EPHA6: variants seen among roughly 807,000 people sequenced by gnomAD.
The protein encoded by EPHA6 is EPH receptor A6, also known as ephrin type-A receptor 6.
Under a neutral mutation model 112.0 loss-of-function variants are expected in EPHA6, and 50 were observed. The observed-to-expected ratio is 0.45, with a 90% CI of 0.36 to 0.56. The LOEUF is 0.56. Among genes scored for constraint, EPHA6 ranks in the 20% least tolerant of loss-of-function variants. EPHA6 has a pLI of 0.00. For missense variants in EPHA6, 1,280 were observed against 1,417.4 expected, an observed-to-expected ratio of 0.90 and a Z score of 1.56; for synonymous variants, 529 against 490.7, an observed-to-expected ratio of 1.08 and a Z score of -1.03.
chr3:97,574,989 C>A (rs1473818319), intron 11 of EPHA6, among the ~76,000 whole-genome samples: 1 of 151,966 alleles, frequency 6.6e-6, no homozygotes, highest in Non-Finnish European at 1.5e-5. Context: ...TTTAACCAAC[C>A]TTCACATGTA....
chr3:97,421,024 C>A (rs1252843627), intron 6 of EPHA6, among the ~76,000 whole-genome samples: 1 of 151,946 alleles, frequency 6.6e-6, no homozygotes, highest in Non-Finnish European at 1.5e-5. Context: ...GGGTATTATT[C>A]TCAGAAATCT....
intron 6 of EPHA6, among the ~76,000 whole-genome samples, chr3:97,427,009 AG>A (rs1433258844): frequency 6.6e-6 from 1 of 152,240 alleles, no homozygotes; most frequent in Admixed American, 6.5e-5. Context: ...CACACCAGTC[AG>A]AATGGTTATT....
chr3:97,159,382 G>A (rs929119671), intron 3 of EPHA6, among the ~76,000 whole-genome samples: 1 of 152,104 alleles, frequency 6.6e-6, no homozygotes, highest in African/African-American at 2.4e-5. Context: ...GTTGGTGGAA[G>A]TATTCCTGTC....
At chr3:97,220,100 A>G (rs951770940) in intron 3 of EPHA6, among the ~76,000 whole-genome samples, 2 of 152,208 alleles carry the variant, frequency 1.3e-5, no homozygotes, top group African/African-American at 2.4e-5. Context: ...CCAGTGCACA[A>G]CAAGCTCCTC....
At chr3:96,977,334 A>G (rs2107803208) in intron 2 of EPHA6, among the ~76,000 whole-genome samples, 1 of 152,290 alleles carries the variant, frequency 6.6e-6, no homozygotes, top group East Asian at 1.9e-4. Flanking sequence ...ATAGATGTAC[A>G]CTGTGGAATG....
At chr3:97,580,227 A>G (rs546705380) in intron 11 of EPHA6, among the ~76,000 whole-genome samples, 1 of 152,354 alleles carries the variant, frequency 6.6e-6, no homozygotes, top group South Asian at 2.1e-4. Flanking sequence ...ATATCACATC[A>G]GAAGCTGCTG....
chr3:97,540,778 T>A (rs1180482975), intron 11 of EPHA6, among the ~76,000 whole-genome samples: 1 of 152,220 alleles, frequency 6.6e-6, no homozygotes, highest in Non-Finnish European at 1.5e-5. Flanking sequence ...TTTTCTTTTA[T>A]ACTGCTAAAT....
At chr3:97,151,047 G>A (rs1287300844) in intron 3 of EPHA6, among the ~76,000 whole-genome samples, 1 of 152,036 alleles carries the variant, frequency 6.6e-6, no homozygotes. Context: ...TCCAGTATTG[G>A]CTTTCTGTAC....
At chr3:96,908,084 A>C (rs989471434) in intron 2 of EPHA6, among the ~76,000 whole-genome samples, 5 of 151,944 alleles carry the variant, frequency 3.3e-5, no homozygotes, top group Admixed American at 6.6e-5. Flanking sequence ...TATTATAGGC[A>C]GTTGTAACAC....
chr3:97,234,599 A>G (rs1410696475), intron 4 of EPHA6, among the ~76,000 whole-genome samples: 1 of 152,004 alleles, frequency 6.6e-6, no homozygotes, highest in Non-Finnish European at 1.5e-5. Context: ...TTTTCTTGCA[A>G]CTTCCTGTTC....
intron 6 of EPHA6, among the ~76,000 whole-genome samples, chr3:97,442,309 G>C (rs1255604007): frequency 6.6e-6 from 1 of 152,140 alleles, no homozygotes; most frequent in East Asian, 1.9e-4. Flanking sequence ...AGAGGGCTGG[G>C]CATGGTGGTT....
intron 11 of EPHA6, among the ~76,000 whole-genome samples, chr3:97,584,401 T>A (rs1183558944): frequency 6.6e-6 from 1 of 152,186 alleles, no homozygotes; most frequent in East Asian, 1.9e-4. Flanking sequence ...TTATTTGATA[T>A]CTGCAGTGTT....
chr3:97,455,696 A>G (rs1392728246), intron 7 of EPHA6, among the ~76,000 whole-genome samples: 4 of 151,982 alleles, frequency 2.6e-5, no homozygotes, highest in Non-Finnish European at 4.4e-5. Flanking sequence ...TTTAATGCAT[A>G]TTTCTGGATT....
rs188242117 is a variant in EPHA6, at chr3:97,324,608, G to A, written c.1606+80321G>A. 2.2e-3 allele frequency among the ~76,000 whole-genome samples: 334 copies of A among 149,184 alleles called. 2 individuals carry two copies. Among genetic ancestry groups the A allele is most frequent in the African/African-American group, 7.9e-3 (319 of 40,452 alleles). On this transcript the variant is annotated intron_variant, in intron 5 of 17. Coordinates refer to ENST00000389672, the MANE Select transcript of EPHA6 (RefSeq NM_001080448.3). Reference sequence around the variant, plus strand: ...GGCTGGAGTGCAATAGTATGATCTCGGCTCACTGCAACCTCCACCTCCTGG... The same window carrying A: ...GGCTGGAGTGCAATAGTATGATCTCAGCTCACTGCAACCTCCACCTCCTGG...
chr3:97,754,914 A>T lies in EPHA6; in HGVS notation c.*6213A>T, dbSNP rs1010567625. On this transcript the variant is annotated 3_prime_UTR_variant, in exon 18 of 18. Transcript: ENST00000389672. ...GAGACGGAGTTTCACCGTGTTAGCC[A>T]GGATGGTCTCGATCTCCTGACCTGG... Among the ~76,000 whole-genome samples, 1 of 152,098 alleles carries T rather than the reference A, an allele frequency of 6.6e-6. No homozygotes were observed. The highest frequency in any genetic ancestry group is 2.4e-5 in the African/African-American group (1 of 41,416).
Position 97,147,575 on chromosome 3 carries a change from A to G in EPHA6, c.1115-78689A>G, listed in dbSNP as rs557033770. 6.9e-4 allele frequency among the ~76,000 whole-genome samples: 105 copies of G among 152,236 alleles called. 3 individuals carry two copies. The South Asian group carries it at 0.016, about 23-fold the overall frequency. The stretch of plus-strand genomic sequence containing the variant: ...TGTATTAAGTCTTTCTGGAAGTACA[A>G]TGTCCTCCTTTTAGTAAATAAATAT... On this transcript the variant is annotated intron_variant, in intron 3 of 17. Transcript: ENST00000389672.
chr3:97,319,182 T>C (rs371926595), intron 5 of EPHA6, among the ~76,000 whole-genome samples: 2 of 151,182 alleles, frequency 1.3e-5, no homozygotes, highest in Non-Finnish European at 2.9e-5. Context: ...TCTAGTTGTG[T>C]CTTCTGTGAA....
At chr3:97,075,797 GTAA>G (rs1010458867) in intron 3 of EPHA6, among the ~76,000 whole-genome samples, 2 of 151,620 alleles carry the variant, frequency 1.3e-5, no homozygotes, top group African/African-American at 4.8e-5. Context: ...TTTACTTGGT[GTAA>G]TTCTTGTAGT....
intron 15 of EPHA6, among the ~76,000 whole-genome samples, chr3:97,723,556 C>T (rs978371533): frequency 1.3e-5 from 2 of 152,164 alleles, no homozygotes; most frequent in Non-Finnish European, 2.9e-5. Flanking sequence ...CAGCACAAGG[C>T]TGAACTCTTC....
Sources: gnomAD v4.1 joint callset for allele counts (sites outside exome capture counted in the v4.1 genomes callset) on GRCh38, gnomAD v4.1.1 for gene constraint, MANE v1.5 for transcripts, NCBI Gene and HGNC (gene_info 2026-07-23, HGNC 2026-07-21) for gene names.